The following UGT1A10 variants were observed in gnomAD, a reference collection of about 807,000 sequenced individuals.
The protein encoded by UGT1A10 is UDP glucuronosyltransferase family 1 member A10.
UGT1A10 carries 49 observed loss-of-function variants against 45.8 expected under a neutral mutation model. That is an observed-to-expected ratio of 1.07 (90% CI 0.85 to 1.36). The LOEUF (loss-of-function observed/expected upper bound fraction) is 1.36, where lower values mean the gene tolerates loss of function less well. Among genes scored for constraint, UGT1A10 ranks in the 40% most tolerant of loss-of-function variants. The pLI is 0.00. For synonymous variants in UGT1A10, 284 were observed against 249.7 expected, an observed-to-expected ratio of 1.14 and a Z score of -1.29; for missense variants, 745 against 668.6, an observed-to-expected ratio of 1.11 and a Z score of -1.26.
At chr2:233,700,772 A>G (rs940098875) in intron 1 of UGT1A10, among the ~76,000 whole-genome samples, 4 of 151,978 alleles carry the variant, frequency 2.6e-5, no homozygotes, top group Admixed American at 2.6e-4. Context: ...TGCACAACGT[A>G]CAGGTTTGTT....
In UGT1A10 at chr2:233,657,201, G is replaced by A. The variant is rs138600935; in HGVS notation, c.855+19824G>A. On this transcript the variant is annotated intron_variant, in intron 1 of 4. Coordinates refer to ENST00000344644, the MANE Select transcript of UGT1A10 (RefSeq NM_019075.4). The stretch of plus-strand genomic sequence containing the variant: ...GGTCCCCCATCATCTCACCTTTCCT[G>A]GCTCATGGGCTTTATTTTATGCCAC... Among the ~76,000 whole-genome samples, 556 of 152,266 alleles carry A rather than the reference G, an allele frequency of 3.7e-3. 4 individuals are homozygous for A. The highest frequency in any genetic ancestry group is 0.013 in the African/African-American group (525 of 41,538).
intron 1 of UGT1A10, among the ~76,000 whole-genome samples, chr2:233,764,785 C>T (rs567027233): frequency 9.9e-5 from 15 of 152,240 alleles, no homozygotes; most frequent in African/African-American, 3.4e-4. Flanking sequence ...GAAAAACCAT[C>T]CTCAGGGTGT....
rs573003953 is a variant in UGT1A10 at position 233,701,574 on chromosome 2, A to C, written c.855+64197A>C. Among the ~76,000 whole-genome samples the C allele has an allele frequency of 5.6e-3, 856 of 152,260 alleles. 10 individuals carry two copies. The highest frequency in any genetic ancestry group is 0.02 in the African/African-American group (822 of 41,528). On this transcript the variant is annotated intron_variant, in intron 1 of 4. Coordinates refer to ENST00000344644, the MANE Select transcript of UGT1A10 (RefSeq NM_019075.4). ...CAGCACCACACCACACCTACTCCAA[A>C]ATTGACCACATAGTTGGAAGTAAAG... is the stretch of plus-strand genomic sequence containing the variant.
At chr2:233,665,069 G>A (rs2074045139) in intron 1 of UGT1A10, among the ~76,000 whole-genome samples, 2 of 152,156 alleles carry the variant, frequency 1.3e-5, no homozygotes, top group Non-Finnish European at 2.9e-5. Context: ...TTATGCATAT[G>A]CAGATATCTA....
intron 1 of UGT1A10, chr2:233,672,324 C>CA: frequency 6.2e-7 from 1 of 1,613,874 alleles, no homozygotes; most frequent in Middle Eastern, 1.7e-4. Context: ...TGTTTAAAGA[C>CA]AAAAAATTAG....
chr2:233,643,214 C>T (rs1470503686), intron 1 of UGT1A10, among the ~76,000 whole-genome samples: 1 of 152,200 alleles, frequency 6.6e-6, no homozygotes, highest in Non-Finnish European at 1.5e-5. Context: ...AAAACCTTAG[C>T]ATTCCACCTG....
intron 1 of UGT1A10, among the ~76,000 whole-genome samples, chr2:233,759,797 C>T (rs1216409236): frequency 1.3e-5 from 2 of 152,262 alleles, no homozygotes; most frequent in East Asian, 3.9e-4. Flanking sequence ...ACACATGATA[C>T]AAGTGAGCAG....
intron 1 of UGT1A10, among the ~76,000 whole-genome samples, chr2:233,678,756 A>G (rs1033605150): frequency 2.9e-5 from 3 of 102,106 alleles, no homozygotes; most frequent in African/African-American, 9.3e-5. Flanking sequence ...ACTCATCTCT[A>G]TCAGGTCATC....
chr2:233,713,977 C>T, intron 1 of UGT1A10: 3 of 1,595,304 alleles, frequency 1.9e-6, no homozygotes, highest in East Asian at 2.2e-5. Context: ...TTCTGCTTCT[C>T]ATTGTTGTAA....
In UGT1A10 at chr2:233,685,275, C is replaced by T. The variant is rs570132038; in HGVS notation, c.855+47898C>T. Among the ~76,000 whole-genome samples the T allele has an allele frequency of 9.2e-5, 14 of 152,192 alleles. No homozygotes were observed. In the South Asian group the frequency reaches 1.2e-3, roughly 14 times the overall value. On this transcript the variant is annotated intron_variant, in intron 1 of 4. Coordinates refer to ENST00000344644, the MANE Select transcript of UGT1A10 (RefSeq NM_019075.4). ...CTCTGACTCCTGACCTCAAGTGATC[C>T]GCCCGCCTCCGCCTTTCAAAGTGTT...
Position 233,748,142 on chromosome 2 carries a change from T to C in UGT1A10, c.856-18892T>C, listed in dbSNP as rs189249427. 1.9e-6 allele frequency: 3 copies of C among 1,607,776 alleles called. No homozygotes were observed. In the East Asian group the frequency reaches 6.7e-5, roughly 36 times the overall value. On this transcript the variant is annotated intron_variant, in intron 1 of 4. Coordinates refer to ENST00000344644, the MANE Select transcript of UGT1A10 (RefSeq NM_019075.4). ...CAAAACAGTTTTTAAAAATTGTATT[T>C]ACTTACAATTGCTTCCATATCTACT...
Position 233,769,718 on chromosome 2 carries a change from C to A in UGT1A10, c.1295+1279C>A. On this transcript the variant is annotated intron_variant, in intron 4 of 4. Coordinates refer to ENST00000344644, the MANE Select transcript of UGT1A10 (RefSeq NM_019075.4). The surrounding 1 kb of genome is among the most constrained non-coding windows in gnomAD (Gnocchi z 4.4). Reference sequence around the variant, plus strand: ...TAAAAGATCAATGTTGGCTAGGCACCATGGCACACGCCTGTAGTCCCAGCC... The same window carrying A: ...TAAAAGATCAATGTTGGCTAGGCACAATGGCACACGCCTGTAGTCCCAGCC... 6.7e-7 allele frequency: 1 copy of A among 1,492,462 alleles called. No individual in the cohort carries two copies. Among genetic ancestry groups the A allele is most frequent in the Non-Finnish European group, 8.9e-7 (1 of 1,119,524 alleles). The allele number at this position is 1,492,462 out of a possible 1,614,324, so 92.5% of individuals were successfully genotyped here.
At chr2:233,637,969 G>GAT (rs930231556) in intron 1 of UGT1A10, among the ~76,000 whole-genome samples, 9 of 151,860 alleles carry the variant, frequency 5.9e-5, no homozygotes, top group Middle Eastern at 3.4e-3. Context: ...AATTAATATT[G>GAT]ATATATATAT....
chr2:233,672,281 T>C, intron 1 of UGT1A10: 1 of 1,613,842 alleles, frequency 6.2e-7, no homozygotes, highest in African/African-American at 1.3e-5. Flanking sequence ...TACAATGACA[T>C]TTTTGACTTA....
At chr2:233,751,660 A>C (rs1210914952) in intron 1 of UGT1A10, among the ~76,000 whole-genome samples, 4 of 152,204 alleles carry the variant, frequency 2.6e-5, no homozygotes, top group Admixed American at 6.5e-5. Flanking sequence ...CATCCTACTG[A>C]GTGAGTTCTA....
chr2:233,643,763 G>T (rs1010875954), intron 1 of UGT1A10, among the ~76,000 whole-genome samples: 1 of 152,114 alleles, frequency 6.6e-6, no homozygotes, highest in African/African-American at 2.4e-5. Flanking sequence ...GTTAGCAGGC[G>T]ATGAACGCTG....
chr2:233,741,352 A>G (rs1236663413), intron 1 of UGT1A10, among the ~76,000 whole-genome samples: 1 of 151,742 alleles, frequency 6.6e-6, no homozygotes, highest in African/African-American at 2.4e-5. Context: ...TCCAACACAC[A>G]AAACCACAAT....
At chr2:233,713,008 A>G in intron 1 of UGT1A10, 1 of 1,613,630 alleles carries the variant, frequency 6.2e-7, no homozygotes, top group Non-Finnish European at 8.5e-7. Flanking sequence ...ACAGGACTCC[A>G]GGTTCCCCTG....
intron 1 of UGT1A10, among the ~76,000 whole-genome samples, chr2:233,683,654 G>C (rs1360052208): frequency 6.6e-6 from 1 of 151,956 alleles, no homozygotes; most frequent in African/African-American, 2.4e-5. Flanking sequence ...CTTTATAAAA[G>C]TATTTCATCT....
Sources: gnomAD v4.1 joint callset for allele counts (sites outside exome capture counted in the v4.1 genomes callset) on GRCh38, gnomAD v4.1.1 for gene constraint, Gnocchi (gnomAD v3.1) non-coding constraint, MANE v1.5 for transcripts, NCBI Gene and HGNC (gene_info 2026-07-23, HGNC 2026-07-21) for gene names.